Variants in SGCZ observed in about 807,000 individuals in gnomAD.
SGCZ encodes the protein sarcoglycan zeta.
In SGCZ, 40 loss-of-function variants were observed where a neutral mutation model predicts 41.3. The observed-to-expected ratio is 0.97, with a 90% CI of 0.75 to 1.26. SGCZ has a LOEUF of 1.26. Among genes scored for constraint, SGCZ ranks in the 50% most tolerant of loss-of-function variants. The pLI is 0.00. For missense variants in SGCZ, 552 were observed against 369.8 expected (o/e 1.49, Z -4.04); for synonymous variants, 206 against 137.5 (o/e 1.50, Z -3.49).
chr8:15,010,982 A>G (rs1413854688), intron 1 of SGCZ, among the ~76,000 whole-genome samples: 1 of 152,214 alleles, frequency 6.6e-6, no homozygotes, highest in Non-Finnish European at 1.5e-5. Context: ...TGCTTCATCT[A>G]TTGTGCAGGT....
In SGCZ at chr8:14,219,615, C is replaced by T. The variant is rs575833528; in HGVS notation, c.424+17977G>A. ...TACAAAAATTAGCTGGGCGTGGTGG[C>T]GCGTGCCTATAGTCCCAACTTTTCG... is the stretch of plus-strand genomic sequence containing the variant. On this transcript the variant is annotated intron_variant, in intron 4 of 7. Transcript: ENST00000382080. 1.5e-3 allele frequency among the ~76,000 whole-genome samples: 221 copies of T among 152,182 alleles called. 1 individual carries two copies. The highest frequency in any genetic ancestry group is 2.1e-3 in the Non-Finnish European group (144 of 68,010).
intron 1 of SGCZ, among the ~76,000 whole-genome samples, chr8:15,097,571 G>C (rs1806394129): frequency 6.6e-6 from 1 of 151,526 alleles, no homozygotes. Flanking sequence ...ACAACAAAGT[G>C]AAACCCCATC....
chr8:14,544,718 C>T (rs1803572318), intron 2 of SGCZ, among the ~76,000 whole-genome samples: 1 of 152,096 alleles, frequency 6.6e-6, no homozygotes, highest in Admixed American at 6.6e-5. Flanking sequence ...GTTCTCTGCT[C>T]TTGAACCCTG....
At chr8:14,506,853 G>C (rs918925361) in intron 2 of SGCZ, among the ~76,000 whole-genome samples, 24 of 152,070 alleles carry the variant, frequency 1.6e-4, no homozygotes, top group African/African-American at 5.6e-4. Context: ...TTCCTATTTA[G>C]CTTAGCCAGC....
At chr8:14,712,747 C>T (rs1244164449) in intron 1 of SGCZ, among the ~76,000 whole-genome samples, 3 of 152,132 alleles carry the variant, frequency 2.0e-5, no homozygotes, top group Non-Finnish European at 4.4e-5. Context: ...TACTGCATTG[C>T]TAACTCAGAC....
At chr8:14,191,876 G>C (rs1222317618) in intron 4 of SGCZ, among the ~76,000 whole-genome samples, 1 of 151,840 alleles carries the variant, frequency 6.6e-6, no homozygotes, top group Non-Finnish European at 1.5e-5. Flanking sequence ...TATCCTGTAG[G>C]ATTCCTCAAC....
intron 1 of SGCZ, among the ~76,000 whole-genome samples, chr8:15,110,349 T>C (rs1169855811): frequency 6.6e-6 from 1 of 152,190 alleles, no homozygotes; most frequent in Non-Finnish European, 1.5e-5. Context: ...GGAGAAATTG[T>C]AAGCTCATAA....
intron 5 of SGCZ, among the ~76,000 whole-genome samples, chr8:14,152,791 G>A (rs1287172833): frequency 2.6e-5 from 4 of 151,986 alleles, no homozygotes; most frequent in Non-Finnish European, 5.9e-5. Flanking sequence ...TTCCTCAATG[G>A]ATGAATAATT....
chr8:15,175,000 G>T (rs1799954810), intron 1 of SGCZ, among the ~76,000 whole-genome samples: 1 of 152,038 alleles, frequency 6.6e-6, no homozygotes, highest in East Asian at 1.9e-4. Context: ...TAATGCACGT[G>T]GGGCTTAAAA....
chr8:14,531,243 A>G (rs1378843012), intron 2 of SGCZ, among the ~76,000 whole-genome samples: 2 of 146,470 alleles, frequency 1.4e-5, no homozygotes, highest in African/African-American at 5.1e-5. Flanking sequence ...GCCCATAAAA[A>G]CCCCAGATTC....
intron 2 of SGCZ, among the ~76,000 whole-genome samples, chr8:14,450,846 A>G (rs554927385): frequency 2.0e-5 from 3 of 152,298 alleles, no homozygotes; most frequent in East Asian, 1.9e-4. Flanking sequence ...ATTTTTCCTG[A>G]TATGTGTATT....
intron 1 of SGCZ, among the ~76,000 whole-genome samples, chr8:15,138,715 C>T (rs1201654389): frequency 6.6e-6 from 1 of 152,174 alleles, no homozygotes; most frequent in Non-Finnish European, 1.5e-5. Flanking sequence ...CCATGCTGAA[C>T]TGTGAGTCAA....
intron 1 of SGCZ, among the ~76,000 whole-genome samples, chr8:15,208,634 T>C (rs924848535): frequency 1.5e-4 from 23 of 152,142 alleles, no homozygotes; most frequent in African/African-American, 5.3e-4. Flanking sequence ...GAATTATTAG[T>C]ATCTTATATT....
intron 1 of SGCZ, among the ~76,000 whole-genome samples, chr8:15,197,454 TATC>T (rs1284230017): frequency 2.6e-5 from 4 of 152,156 alleles, no homozygotes; most frequent in African/African-American, 7.2e-5. Context: ...CAAAGCATAA[TATC>T]ATGAAAATAA....
chr8:14,222,420 C>T (rs1043528342), intron 4 of SGCZ, among the ~76,000 whole-genome samples: 2 of 151,898 alleles, frequency 1.3e-5, no homozygotes, highest in South Asian at 2.1e-4. Context: ...CACCCACCTC[C>T]GCCTCCCAAA....
At chr8:14,927,291 A>G (rs2130800303) in intron 1 of SGCZ, among the ~76,000 whole-genome samples, 1 of 151,830 alleles carries the variant, frequency 6.6e-6, no homozygotes, top group East Asian at 2.0e-4. Flanking sequence ...TTCTATATTT[A>G]GTAGAGATGG....
chr8:14,600,921 C>T (rs932594855), intron 1 of SGCZ, among the ~76,000 whole-genome samples: 3 of 151,480 alleles, frequency 2.0e-5, no homozygotes, highest in Admixed American at 1.3e-4. Flanking sequence ...TCAACTTAAC[C>T]TCAAAGTAAT....
chr8:14,275,154 G>A (rs1203990604), intron 3 of SGCZ, among the ~76,000 whole-genome samples: 2 of 152,092 alleles, frequency 1.3e-5, no homozygotes, highest in East Asian at 1.9e-4. Flanking sequence ...CAGGTCTCTC[G>A]ACTCAGTCAA....
chr8:14,918,671 TCAA>T (rs568748461), intron 1 of SGCZ, among the ~76,000 whole-genome samples: 2 of 152,318 alleles, frequency 1.3e-5, no homozygotes, highest in South Asian at 4.1e-4. Flanking sequence ...CTCCTCTGAC[TCAA>T]CAACCAATAA....
Sources: gnomAD v4.1 joint callset for allele counts (sites outside exome capture counted in the v4.1 genomes callset) on GRCh38, gnomAD v4.1.1 for gene constraint, MANE v1.5 for transcripts, NCBI Gene and HGNC (gene_info 2026-07-23, HGNC 2026-07-21) for gene names.